The following TMEM163 variants were observed in gnomAD, a reference collection of about 807,000 sequenced individuals.
TMEM163 encodes the protein transmembrane protein 163.
Under a neutral mutation model 29.3 loss-of-function variants are expected in TMEM163, and 17 were observed. The observed-to-expected ratio is 0.58, with a 90% confidence interval of 0.40 to 0.87. The LOEUF is 0.87. Ranked by LOEUF, TMEM163 falls within the 40% of genes least tolerant of loss-of-function variation. The pLI is 0.00. For synonymous variants in TMEM163, 157 were observed against 160.6 expected, an observed-to-expected ratio of 0.98 and a Z score of 0.17; for missense variants, 303 against 381.5, an observed-to-expected ratio of 0.79 and a Z score of 1.71.
At chr2:134,562,366 T>C (rs1042786000) in intron 2 of TMEM163, among the ~76,000 whole-genome samples, 1 of 152,230 alleles carries the variant, frequency 6.6e-6, no homozygotes, top group East Asian at 1.9e-4. Context: ...ACTGGAAGAA[T>C]CTCTAACCCC....
chr2:134,702,711 G>A (rs1447845282), intron 2 of TMEM163, among the ~76,000 whole-genome samples: 1 of 151,728 alleles, frequency 6.6e-6, no homozygotes, highest in Admixed American at 6.6e-5. Flanking sequence ...CAAAACAAGA[G>A]CTGGAAAATT....
intron 2 of TMEM163, among the ~76,000 whole-genome samples, chr2:134,649,266 C>G (rs1389923078): frequency 2.6e-5 from 4 of 152,136 alleles, no homozygotes; most frequent in Non-Finnish European, 5.9e-5. Flanking sequence ...AAAACAAAAA[C>G]AAACACTTGA....
chr2:134,613,955 T>C (rs1682557469), intron 2 of TMEM163, among the ~76,000 whole-genome samples: 1 of 152,276 alleles, frequency 6.6e-6, no homozygotes, highest in East Asian at 1.9e-4. Context: ...CAGTAAGGTT[T>C]TTTTTGTAGA....
chr2:134,694,282 T>C (rs1160412452), intron 2 of TMEM163, among the ~76,000 whole-genome samples: 1 of 152,188 alleles, frequency 6.6e-6, no homozygotes, highest in Admixed American at 6.5e-5. Context: ...CAACATAAAC[T>C]GGGTCTCGCT....
chr2:134,540,251 C>A (rs566857456), intron 4 of TMEM163, among the ~76,000 whole-genome samples: 3 of 152,342 alleles, frequency 2.0e-5, no homozygotes, highest in African/African-American at 7.2e-5. Flanking sequence ...GGGCTGCGGC[C>A]CAGTTACTTG....
chr2:134,697,937 A>C (rs1318903693), intron 2 of TMEM163, among the ~76,000 whole-genome samples: 4 of 152,232 alleles, frequency 2.6e-5, no homozygotes, highest in Non-Finnish European at 5.9e-5. Context: ...CCAAAATGAT[A>C]TAGGAAGCTT....
At chr2:134,557,417 T>G (rs889295609) in intron 2 of TMEM163, among the ~76,000 whole-genome samples, 1 of 152,202 alleles carries the variant, frequency 6.6e-6, no homozygotes, top group African/African-American at 2.4e-5. Flanking sequence ...GACATGCCCA[T>G]GACACAGCCT....
intron 4 of TMEM163, among the ~76,000 whole-genome samples, chr2:134,519,099 G>A (rs1680138224): frequency 6.6e-6 from 1 of 152,188 alleles, no homozygotes. Context: ...CCAACCAAAA[G>A]TGACAGTCCT....
chr2:134,674,351 T>TG (rs1298009125), intron 2 of TMEM163, among the ~76,000 whole-genome samples: 1 of 148,058 alleles, frequency 6.8e-6, no homozygotes, highest in Non-Finnish European at 1.5e-5. Context: ...TTTTTTTTTT[T>TG]TTTTTTTTTT....
At chr2:134,623,827 T>A (rs1682790371) in intron 2 of TMEM163, among the ~76,000 whole-genome samples, 1 of 152,128 alleles carries the variant, frequency 6.6e-6, no homozygotes, top group African/African-American at 2.4e-5. Context: ...ATCTTAGAAG[T>A]TCAGTTAGCA....
intron 5 of TMEM163, among the ~76,000 whole-genome samples, chr2:134,491,778 T>C (rs1437295152): frequency 1.3e-5 from 2 of 152,178 alleles, no homozygotes; most frequent in Non-Finnish European, 2.9e-5. Context: ...AGAGGCTTAA[T>C]AGACAAAATA....
intron 1 of TMEM163, among the ~76,000 whole-genome samples, chr2:134,715,348 G>T (rs1278187076): frequency 6.6e-6 from 1 of 152,140 alleles, no homozygotes; most frequent in African/African-American, 2.4e-5. Flanking sequence ...GACAGCCCAG[G>T]ACAGCTGGAC....
intron 4 of TMEM163, among the ~76,000 whole-genome samples, chr2:134,525,482 C>T (rs1467125757): frequency 6.6e-6 from 1 of 152,216 alleles, no homozygotes; most frequent in Non-Finnish European, 1.5e-5. Flanking sequence ...CCCCATTTTG[C>T]AGGAATTCAA....
chr2:134,483,423 G>T (rs1179602582), intron 5 of TMEM163, among the ~76,000 whole-genome samples: 2 of 152,056 alleles, frequency 1.3e-5, no homozygotes, highest in African/African-American at 4.8e-5. Flanking sequence ...GCCTGCTTTT[G>T]CTCCCTGCAT....
rs563975456 is a variant in TMEM163 at position 134,664,779 on chromosome 2, C to A, written c.322+48421G>T. On this transcript the variant is annotated intron_variant, in intron 2 of 7. Coordinates refer to ENST00000281924, the MANE Select transcript of TMEM163 (RefSeq NM_030923.5). ...TGCTGCAACTTGCAGAAGGAACAAA[C>A]CCTGCTGCCATCTTGATTTTAGCCC... Among the ~76,000 whole-genome samples the A allele has an allele frequency of 2.0e-5, 3 of 152,332 alleles. No homozygotes were observed. The South Asian group carries it at 6.2e-4, about 32-fold the overall frequency.
intron 4 of TMEM163, among the ~76,000 whole-genome samples, chr2:134,526,443 C>T (rs1032589310): frequency 6.6e-6 from 1 of 152,092 alleles, no homozygotes; most frequent in Non-Finnish European, 1.5e-5. Flanking sequence ...ATCCCTAGAC[C>T]CCCATAAATC....
chr2:134,566,454 T>C (rs1328861560), intron 2 of TMEM163, among the ~76,000 whole-genome samples: 7 of 152,060 alleles, frequency 4.6e-5, no homozygotes, highest in Admixed American at 2.0e-4. Context: ...TACCAGCTAC[T>C]TGGGAGGCTG....
Position 134,654,003 on chromosome 2 carries a change from C to T in TMEM163, c.322+59197G>A, listed in dbSNP as rs1383777930. On this transcript the variant is annotated intron_variant, in intron 2 of 7. Transcript: ENST00000281924. ...ATTTTGGAATAGGTGTGGTGTGGTG[C>T]TGAAAAAAATGTATATTCTGTTGAT... Among the ~76,000 whole-genome samples the T allele has an allele frequency of 4.7e-5, 4 of 84,316 alleles. 1 individual carries two copies. Among genetic ancestry groups the T allele is most frequent in the Non-Finnish European group, 1.0e-4 (4 of 38,764 alleles). 55.3% of individuals were successfully genotyped at this position (84,316 alleles called of 152,430 possible). A position where few individuals can be genotyped will look rare whatever the true frequency, so the allele number is the denominator to read the frequency against.
chr2:134,470,045 T>C (rs1020905170), intron 5 of TMEM163: 5 of 152,268 alleles, frequency 3.3e-5, no homozygotes, highest in African/African-American at 1.2e-4. Flanking sequence ...TTTGCTTCCC[T>C]GCCTGAACCC....
Sources: allele counts gnomAD v4.1 joint callset (sites outside exome capture counted in the v4.1 genomes callset), GRCh38; gene constraint gnomAD v4.1.1; transcripts MANE v1.5; gene names NCBI Gene and HGNC (gene_info 2026-07-23, HGNC 2026-07-21).